The following COL5A1 variants were observed in gnomAD, a reference collection of about 807,000 sequenced individuals.
COL5A1 encodes collagen type V alpha 1 chain.
In COL5A1, 16 loss-of-function variants were observed where a neutral mutation model predicts 263.7. The observed-to-expected ratio is 0.06, with a 90% CI of 0.04 to 0.09. COL5A1 has a LOEUF of 0.09. COL5A1 is among the 10% of genes least tolerant of loss of function. The pLI, the probability that COL5A1 is intolerant of heterozygous loss-of-function variation, is 1.00. For missense variants in COL5A1, 2,036 were observed against 2,540.5 expected (o/e 0.80, Z 4.27); for synonymous variants, 1,012 against 1,004.5 (o/e 1.01, Z -0.14).
chr9:134,708,229 C>T (rs1045921310), intron 4 of COL5A1, among the ~76,000 whole-genome samples: 19 of 152,286 alleles, frequency 1.2e-4, no homozygotes, highest in Admixed American at 3.3e-4. Flanking sequence ...ACTCCACCGC[C>T]TCGGGCAGCC....
chr9:134,759,050 T>A (rs957965997), intron 18 of COL5A1, among the ~76,000 whole-genome samples: 3 of 152,114 alleles, frequency 2.0e-5, no homozygotes, highest in African/African-American at 7.2e-5. Context: ...CTGCCCTGCT[T>A]TCTCAGCCCA....
chr9:134,658,968 G>A (rs746162177), intron 1 of COL5A1, among the ~76,000 whole-genome samples: 2 of 152,236 alleles, frequency 1.3e-5, no homozygotes, highest in Non-Finnish European at 2.9e-5. Context: ...CTTCTGACCT[G>A]ACCCCAAGTG....
At chr9:134,785,963 C>T in intron 30 of COL5A1, 32 bp from the exon 31 acceptor site, 1 of 1,595,204 alleles carries the variant, frequency 6.3e-7, no homozygotes, top group East Asian at 2.2e-5. Context: ...CAATACCGTG[C>T]TGGCCATTAA....
intron 1 of COL5A1, among the ~76,000 whole-genome samples, chr9:134,661,595 T>C (rs1832204582): frequency 6.6e-6 from 1 of 152,004 alleles, no homozygotes; most frequent in Non-Finnish European, 1.5e-5. Flanking sequence ...GGTGGCTCTC[T>C]TAGACGCCAG....
intron 9 of COL5A1, among the ~76,000 whole-genome samples, chr9:134,737,034 T>A (rs1205560379): frequency 6.6e-6 from 1 of 152,194 alleles, no homozygotes; most frequent in Non-Finnish European, 1.5e-5. Context: ...CTTGCTGCCC[T>A]CCCAGGCTGG....
intron 4 of COL5A1, among the ~76,000 whole-genome samples, chr9:134,705,578 G>A (rs945943262): frequency 6.6e-6 from 1 of 152,242 alleles, no homozygotes; most frequent in African/African-American, 2.4e-5. Context: ...GTCCTCATCT[G>A]TAAAATGGGG....
rs570545638 is a variant in COL5A1, at chr9:134,818,647, G to A, written c.4231-9G>A. 127 of 1,604,154 alleles carry A rather than the reference G, an allele frequency of 7.9e-5. No individual in the cohort carries two copies. In the Admixed American group the frequency reaches 1.2e-3, roughly 15 times the overall value. On this transcript the variant is annotated splice_polypyrimidine_tract_variant and intron_variant, in intron 54 of 65. Transcript: ENST00000371817. The surrounding 1 kb of genome is among the most constrained non-coding windows in gnomAD (Gnocchi z 6.0). ...TCCGGACCTCATTCTGCCCTCCGCCGTCCTGCAGGGAGAAGCCGGCTTGGA... is the reference window on the plus strand; with the variant it reads ...TCCGGACCTCATTCTGCCCTCCGCCATCCTGCAGGGAGAAGCCGGCTTGGA...
Position 134,696,299 on chromosome 9 carries a change from G to A in COL5A1, c.278-3610G>A, listed in dbSNP as rs974099919. Among the ~76,000 whole-genome samples the A allele has an allele frequency of 4.6e-5, 7 of 152,102 alleles. No individual in the cohort carries two copies. Among genetic ancestry groups the A allele is most frequent in the East Asian group, 3.9e-4 (2 of 5,162 alleles). ...AGCGATTCTCCTGCCTCAGCCCCCC[G>A]AGTAGTTGGGATTACAGGTGTGTGC... On this transcript the variant is annotated intron_variant, in intron 2 of 65. Coordinates refer to ENST00000371817, the MANE Select transcript of COL5A1 (RefSeq NM_000093.5). This position sits in a 1 kb window ranked among gnomAD's most constrained non-coding sequence, Gnocchi z 4.3.
At chr9:134,648,155 C>G (rs541044960) in intron 1 of COL5A1, among the ~76,000 whole-genome samples, 2 of 152,006 alleles carry the variant, frequency 1.3e-5, no homozygotes, top group Non-Finnish European at 2.9e-5. Flanking sequence ...GTGCTGGACG[C>G]TTCCTGCCCT....
At chr9:134,835,523 T>C (rs1314990062) in intron 65 of COL5A1, among the ~76,000 whole-genome samples, 1 of 152,196 alleles carries the variant, frequency 6.6e-6, no homozygotes, top group Non-Finnish European at 1.5e-5. Context: ...CCCGTTGTGG[T>C]TCCAGTTTGG....
chr9:134,645,130 C>G (rs1187629326), intron 1 of COL5A1, among the ~76,000 whole-genome samples: 2 of 152,208 alleles, frequency 1.3e-5, no homozygotes, highest in Admixed American at 1.3e-4. Context: ...TGCGGCAGCC[C>G]CAGGCAGGGG....
intron 1 of COL5A1, among the ~76,000 whole-genome samples, chr9:134,684,615 G>A (rs552090947): frequency 2.6e-5 from 4 of 152,330 alleles, no homozygotes; most frequent in African/African-American, 9.6e-5. Context: ...ATGTCCTGCA[G>A]CTGTGTGATG....
intron 4 of COL5A1, among the ~76,000 whole-genome samples, chr9:134,720,374 G>T (rs1273337057): frequency 6.6e-6 from 1 of 152,184 alleles, no homozygotes; most frequent in African/African-American, 2.4e-5. Flanking sequence ...GCCGGGCAAG[G>T]CTCCACCAGG....
chr9:134,813,803 C>T (rs1202411729), intron 48 of COL5A1, among the ~76,000 whole-genome samples, 180 bp from the exon 49 acceptor site: 1 of 152,274 alleles, frequency 6.6e-6, no homozygotes, highest in Non-Finnish European at 1.5e-5. Flanking sequence ...GTGCCTGCCA[C>T]ATTCCTCACG....
rs541128153 is a variant in COL5A1 at position 134,742,858 on chromosome 9, C to T, written c.1494+4050C>T. On this transcript the variant is annotated intron_variant, in intron 11 of 65. Transcript: ENST00000371817. This position sits in a 1 kb window ranked among gnomAD's most constrained non-coding sequence, Gnocchi z 4.6. ...GGGTCGCTGAGCAGTGTTTGCCCAG[C>T]GAAGCCCTTCCCTGGGCTCCTCGGG... Among the ~76,000 whole-genome samples, 9 of 152,316 alleles carry T rather than the reference C, an allele frequency of 5.9e-5. No individual in the cohort carries two copies. In the South Asian group the frequency reaches 1.2e-3, roughly 21 times the overall value.
At chr9:134,744,973 C>T (rs1350625863) in intron 11 of COL5A1, among the ~76,000 whole-genome samples, 1 of 152,278 alleles carries the variant, frequency 6.6e-6, no homozygotes, top group East Asian at 1.9e-4. Flanking sequence ...GGTTCACCTC[C>T]ACACGGCCCT....
chr9:134,679,266 G>A (rs373487496), intron 1 of COL5A1, among the ~76,000 whole-genome samples: 1 of 151,264 alleles, frequency 6.6e-6, no homozygotes, highest in African/African-American at 2.4e-5. Flanking sequence ...GGGCACTGCC[G>A]GGCTGGTTAG....
chr9:134,701,279 C>T lies in COL5A1; in HGVS notation c.600C>T (p.Asp200=). 6.2e-7 allele frequency: 1 copy of T among 1,614,006 alleles called. No homozygotes were observed. Among genetic ancestry groups the T allele is most frequent in the Non-Finnish European group, 8.5e-7 (1 of 1,180,010 alleles). The change falls in exon 4 of 66, where the codon GAC becomes GAT. Residue 200 remains aspartate (D), a synonymous_variant. Transcript: ENST00000371817. ...ACCGCAGCGACCACCCCATGATCGACATCAATGGCATCATCGTGTTTGGCA... is the reference window on the plus strand; with the variant it reads ...ACCGCAGCGACCACCCCATGATCGATATCAATGGCATCATCGTGTTTGGCA... The part of the protein sequence containing the change: ...FLDRSDHPMI[D]INGIIVFGTR...
At chr9:134,806,060 A>C in intron 41 of COL5A1, 129 bp from the exon 42 acceptor site, 1 of 714,328 alleles carries the variant, frequency 1.4e-6, no homozygotes, top group South Asian at 1.6e-5. Context: ...GTGCTTGCAA[A>C]GGGCCATAGG....
Sources: allele counts gnomAD v4.1 joint callset (sites outside exome capture counted in the v4.1 genomes callset), GRCh38; gene constraint gnomAD v4.1.1; non-coding constraint Gnocchi (gnomAD v3.1); transcripts MANE v1.5; gene names NCBI Gene and HGNC (gene_info 2026-07-23, HGNC 2026-07-21).